EVA1C: variants seen among roughly 807,000 people sequenced by gnomAD.
EVA1C encodes eva-1 homolog C.
EVA1C carries 25 observed loss-of-function variants against 45.4 expected under a neutral mutation model. That is an observed-to-expected ratio of 0.55 (90% CI 0.40 to 0.77). The LOEUF is 0.77. EVA1C is among the 30% of genes least tolerant of loss of function. The pLI, the probability that EVA1C is intolerant of heterozygous loss-of-function variation, is 0.00. For synonymous variants in EVA1C, 190 were observed against 221.2 expected (o/e 0.86, Z 1.25); for missense variants, 479 against 554.8 (o/e 0.86, Z 1.37).
chr21:32,416,952 A>G (rs1176953817), intron 1 of EVA1C, among the ~76,000 whole-genome samples: 1 of 152,154 alleles, frequency 6.6e-6, no homozygotes, highest in African/African-American at 2.4e-5. Flanking sequence ...TCACTCTATA[A>G]TAGAAGTGTT....
At chr21:32,503,734 G>T (rs186185240) in intron 6 of EVA1C, among the ~76,000 whole-genome samples, 192 bp from the exon 7 acceptor site, 1 of 151,948 alleles carries the variant, frequency 6.6e-6, no homozygotes, top group Non-Finnish European at 1.5e-5. Flanking sequence ...TAATATTGTC[G>T]GGGACTGCTT....
intron 4 of EVA1C, chr21:32,468,053 A>C (rs1315356445): frequency 1.1e-5 from 3 of 265,828 alleles, no homozygotes; most frequent in African/African-American, 2.2e-5. Context: ...TGTAAACAGT[A>C]ATCTGCCAAA....
chr21:32,462,592 G>T (rs1036628116), intron 3 of EVA1C, among the ~76,000 whole-genome samples: 14 of 152,186 alleles, frequency 9.2e-5, no homozygotes, highest in African/African-American at 3.1e-4. Flanking sequence ...CCCAAAACTG[G>T]CCATAAAGAA....
At chr21:32,462,236 A>G (rs2036023670) in intron 3 of EVA1C, among the ~76,000 whole-genome samples, 1 of 151,622 alleles carries the variant, frequency 6.6e-6, no homozygotes, top group Admixed American at 6.6e-5. Flanking sequence ...AAAAAAAAAA[A>G]AAAAACAATT....
chr21:32,490,100 G>A (rs773329536), intron 4 of EVA1C, among the ~76,000 whole-genome samples: 2 of 151,954 alleles, frequency 1.3e-5, no homozygotes, highest in African/African-American at 2.4e-5. Context: ...CACCATGCCC[G>A]GCCTACCACC....
chr21:32,445,404 A>G (rs1243142740), intron 1 of EVA1C, among the ~76,000 whole-genome samples: 10 of 152,188 alleles, frequency 6.6e-5, no homozygotes, highest in Non-Finnish European at 1.2e-4. Context: ...TGGGGCCTGC[A>G]AGGAATCTCC....
intron 3 of EVA1C, among the ~76,000 whole-genome samples, chr21:32,459,229 C>G (rs2035906139): frequency 6.6e-6 from 1 of 151,574 alleles, no homozygotes; most frequent in Admixed American, 6.6e-5. Flanking sequence ...GTCATACATG[C>G]TCACACACAC....
chr21:32,428,166 G>C (rs764843893), intron 1 of EVA1C, among the ~76,000 whole-genome samples: 10 of 152,184 alleles, frequency 6.6e-5, no homozygotes, highest in Admixed American at 1.3e-4. Context: ...CATTAGTCCA[G>C]CGTGGAGGCG....
Position 32,454,521 on chromosome 21 carries a change from T to C in EVA1C, c.357+1013T>C, listed in dbSNP as rs1480061521. Reference sequence around the variant, plus strand: ...AGACTGTGCATGGCTTTCAATCATCTGAGCAACTTCTACTTCACCATCCCT... The same window carrying C: ...AGACTGTGCATGGCTTTCAATCATCCGAGCAACTTCTACTTCACCATCCCT... On this transcript the variant is annotated intron_variant, in intron 2 of 7. Coordinates refer to ENST00000300255, the MANE Select transcript of EVA1C (RefSeq NM_058187.5). Among the ~76,000 whole-genome samples, 3 of 152,268 alleles carry C rather than the reference T, an allele frequency of 2.0e-5. No homozygotes were observed. The South Asian group carries it at 6.2e-4, about 32-fold the overall frequency.
intron 4 of EVA1C, among the ~76,000 whole-genome samples, chr21:32,488,624 T>C (rs553107202): frequency 0.016 from 2,360 of 151,952 alleles, 22 homozygotes; most frequent in Non-Finnish European, 0.025. Context: ...CTTGCTCTGT[T>C]GCCCAGGCTG....
chr21:32,515,112 G>A lies in EVA1C; in HGVS notation c.1248G>A (p.Arg416=), dbSNP rs1163547433. 2 of 1,613,836 alleles carry A rather than the reference G, an allele frequency of 1.2e-6. No individual in the cohort carries two copies. Among genetic ancestry groups the A allele is most frequent in the African/African-American group, 2.7e-5 (2 of 74,912 alleles). The change falls in exon 8 of 8, where the codon AGG becomes AGA. Residue 416 remains arginine, a synonymous_variant. Transcript: ENST00000300255. The part of the protein sequence containing the change: ...AAELAERIER[R]EQIIQEIWMN... ...AGCTCGCAGAAAGGATTGAGCGCAG[G>A]GAGCAAATCATTCAGGAAATATGGA...
At chr21:32,467,454 C>T (rs1429367337) in intron 3 of EVA1C, among the ~76,000 whole-genome samples, 2 of 152,188 alleles carry the variant, frequency 1.3e-5, no homozygotes, top group Non-Finnish European at 2.9e-5. Context: ...AGCACCTCTC[C>T]TCCATTTGCC....
rs2035606186 is a variant in EVA1C, at chr21:32,452,215, C to T, written c.161-1097C>T. 6.6e-6 allele frequency: 1 copy of T among 152,270 alleles called. No individual in the cohort carries two copies. The highest frequency in any genetic ancestry group is 6.5e-5 in the Admixed American group (1 of 15,284). 9.4% of individuals were successfully genotyped at this position (152,270 alleles called of 1,614,324 possible). A position where few individuals can be genotyped will look rare whatever the true frequency, so the allele number is the denominator to read the frequency against. On this transcript the variant is annotated intron_variant, in intron 1 of 7. Transcript: ENST00000300255. The surrounding 1 kb of genome is among the most constrained non-coding windows in gnomAD (Gnocchi z 4.0). ...TGGTTTATAAAGGTGCTTCAGGACTCCTTGGCTCCTGGCCAATATCTTAGT... is the reference window on the plus strand; with the variant it reads ...TGGTTTATAAAGGTGCTTCAGGACTTCTTGGCTCCTGGCCAATATCTTAGT...
chr21:32,422,484 A>G (rs1278838624), intron 1 of EVA1C, among the ~76,000 whole-genome samples: 1 of 152,218 alleles, frequency 6.6e-6, no homozygotes, highest in African/African-American at 2.4e-5. Flanking sequence ...AGAGTTAAGC[A>G]TTCCAAGGAA....
chr21:32,427,870 A>G (rs2146142252), intron 1 of EVA1C, among the ~76,000 whole-genome samples: 1 of 151,940 alleles, frequency 6.6e-6, no homozygotes, highest in Non-Finnish European at 1.5e-5. Context: ...AAAAAAAAAA[A>G]AAAAAAAGAA....
At chr21:32,461,539 C>T (rs532590681) in intron 3 of EVA1C, among the ~76,000 whole-genome samples, 31 of 152,310 alleles carry the variant, frequency 2.0e-4, no homozygotes, top group African/African-American at 7.2e-4. Context: ...CTGAGCAGGA[C>T]ACTGTGATTG....
intron 3 of EVA1C, among the ~76,000 whole-genome samples, chr21:32,460,415 G>A (rs1391343529): frequency 2.0e-5 from 3 of 152,122 alleles, no homozygotes; most frequent in South Asian, 2.1e-4. Context: ...CAGCATCATC[G>A]TTTAGATTTA....
intron 4 of EVA1C, among the ~76,000 whole-genome samples, chr21:32,484,660 T>G (rs1007840490): frequency 6.6e-6 from 1 of 152,196 alleles, no homozygotes; most frequent in African/African-American, 2.4e-5. Context: ...CCTCCCCTAC[T>G]TAGAGACTCT....
At chr21:32,503,416 C>T (rs910359844) in intron 6 of EVA1C, among the ~76,000 whole-genome samples, 7 of 152,232 alleles carry the variant, frequency 4.6e-5, no homozygotes, top group South Asian at 2.1e-4. Context: ...CATGGTGGCA[C>T]GTGCCTGTAA....
Sources: gnomAD v4.1 joint callset for allele counts (sites outside exome capture counted in the v4.1 genomes callset) on GRCh38, gnomAD v4.1.1 for gene constraint, Gnocchi (gnomAD v3.1) non-coding constraint, MANE v1.5 for transcripts, NCBI Gene and HGNC (gene_info 2026-07-23, HGNC 2026-07-21) for gene names.